The following TRAF5 variants were observed in gnomAD, a reference collection of about 807,000 sequenced individuals.
TRAF5 encodes TNF receptor-associated factor 5.
A neutral mutation model predicts 64.5 loss-of-function variants in TRAF5; 48 were observed. The observed-to-expected ratio is 0.74, with a 90% CI of 0.59 to 0.95. TRAF5 has a LOEUF of 0.95. Among genes scored for constraint, TRAF5 ranks in the 40% least tolerant of loss-of-function variants. TRAF5 has a pLI of 0.00. For synonymous variants in TRAF5, 206 were observed against 240.5 expected (o/e 0.86, Z 1.33); for missense variants, 545 against 662.8 (o/e 0.82, Z 1.95).
chr1:211,326,757 G>C, upstream of TRAF5: 1 of 984,734 alleles, frequency 1.0e-6, no homozygotes, highest in Non-Finnish European at 1.2e-6. This position sits in a 1 kb window ranked among gnomAD's most constrained non-coding sequence, Gnocchi z 5.0. Context: ...CCCTGCGCCC[G>C]CCCGCGCCCC....
In TRAF5 at chr1:211,360,732, C is replaced by G; in HGVS notation, c.574C>G (p.Pro192Ala). The change falls in exon 6 of 11, where the codon CCA (proline) becomes GCA (alanine). Residue 192 changes from proline to alanine, a missense_variant. Pro to Ala is a conservative substitution (Grantham distance 27). Transcript: ENST00000261464. ...TGAGGAAAACTTGTGTCCTGAATACCCAGTATTTTGTCCCAACAATTGTGC... is the reference window on the plus strand; with the variant it reads ...TGAGGAAAACTTGTGTCCTGAATACGCAGTATTTTGTCCCAACAATTGTGC... ...NHEENLCPEY[P>A]VFCPNNCAKI... is the part of the protein sequence containing the mutation. The G allele has an allele frequency of 6.2e-7, 1 of 1,613,790 alleles. No individual in the cohort carries two copies. The highest frequency in any genetic ancestry group is 8.5e-7 in the Non-Finnish European group (1 of 1,179,898).
chr1:211,329,589 A>G (rs972048572), intron 1 of TRAF5, among the ~76,000 whole-genome samples: 30 of 152,122 alleles, frequency 2.0e-4, no homozygotes, highest in African/African-American at 6.5e-4. Flanking sequence ...TTCCCATAGT[A>G]TCTTAATTAA....
At chr1:211,349,523 C>T (rs1327229391) in intron 1 of TRAF5, among the ~76,000 whole-genome samples, 2 of 152,184 alleles carry the variant, frequency 1.3e-5, no homozygotes, top group African/African-American at 4.8e-5. Context: ...GATACAAAGC[C>T]CTCATGACTT....
At position 211,371,472 on chromosome 1, in the gene TRAF5, T is replaced by C; in HGVS notation, c.1099+2T>C. The C allele has an allele frequency of 6.2e-7, 1 of 1,603,126 alleles. No homozygotes were observed. Among genetic ancestry groups the C allele is most frequent in the Non-Finnish European group, 8.5e-7 (1 of 1,177,712 alleles). On this transcript the variant is annotated splice_donor_variant, in intron 10 of 10. Transcript: ENST00000261464. LOFTEE classifies it high-confidence loss of function. ...TAGAAAACAATGATCAAAGATTAGG[T>C]ATGTCTGATATTTTATTTCTCTTTT...
At position 211,372,123 on chromosome 1, in the gene TRAF5, TGC is replaced by T; in HGVS notation, c.1100-4_1100-3del. On this transcript the variant is annotated splice_region_variant and splice_polypyrimidine_tract_variant and intron_variant, in intron 10 of 10. Coordinates refer to ENST00000261464, the MANE Select transcript of TRAF5 (RefSeq NM_001033910.3). ...ATCTTTTTTTTTTTTTTTTCTTATT[TGC>T]AGCCGTTTTAGAAGAGGAAACTAAC... 2.0e-6 allele frequency: 3 copies of T among 1,529,610 alleles called. No individual in the cohort carries two copies. The highest frequency in any genetic ancestry group is 2.6e-6 in the Non-Finnish European group (3 of 1,139,668). The allele number at this position is 1,529,610 out of a possible 1,614,324, so 94.8% of individuals were successfully genotyped here.
intron 1 of TRAF5, among the ~76,000 whole-genome samples, chr1:211,348,307 CAT>C (rs923846154): frequency 2.6e-5 from 4 of 152,246 alleles, no homozygotes; most frequent in African/African-American, 9.6e-5. Context: ...TTTGTATTAA[CAT>C]ATAATTGGCT....
intron 1 of TRAF5, chr1:211,346,374 T>C (rs1176596293): frequency 3.0e-6 from 3 of 985,322 alleles, no homozygotes; most frequent in East Asian, 1.1e-4. Flanking sequence ...AGTGCAGGGA[T>C]GTGCAGATGA....
At chr1:211,350,891 T>C (rs1702764477) in intron 1 of TRAF5, among the ~76,000 whole-genome samples, 1 of 152,126 alleles carries the variant, frequency 6.6e-6, no homozygotes, top group Admixed American at 6.5e-5. Context: ...CTCTGGCCTC[T>C]TTAGAGAGGA....
chr1:211,347,246 C>CTAAT (rs1220971278), intron 1 of TRAF5, among the ~76,000 whole-genome samples: 1 of 152,094 alleles, frequency 6.6e-6, no homozygotes. Flanking sequence ...CTGAAAGTAT[C>CTAAT]TAATTAATTA....
intron 1 of TRAF5, among the ~76,000 whole-genome samples, chr1:211,349,947 C>G (rs755770644): frequency 8.5e-5 from 13 of 152,100 alleles, no homozygotes; most frequent in Non-Finnish European, 1.9e-4. Context: ...AATGAGGGAA[C>G]ACAAGGCAGA....
At chr1:211,358,205 G>A (rs1043526774) in intron 4 of TRAF5, 3 of 152,172 alleles carry the variant, frequency 2.0e-5, no homozygotes, top group Admixed American at 6.5e-5. Context: ...GCCAGGCGTG[G>A]TGGTTCATGC....
At chr1:211,358,919 A>T (rs1398474909) in intron 4 of TRAF5, 1 of 149,896 alleles carries the variant, frequency 6.7e-6, no homozygotes, top group Non-Finnish European at 1.5e-5. Context: ...CAGAATATTT[A>T]AAATAACTTT....
At chr1:211,349,738 G>C (rs2102736981) in intron 1 of TRAF5, among the ~76,000 whole-genome samples, 1 of 152,322 alleles carries the variant, frequency 6.6e-6, no homozygotes, top group East Asian at 1.9e-4. Flanking sequence ...AGAGTGTAGT[G>C]GAGGGAACCT....
Position 211,337,912 on chromosome 1 carries a change from C to T in TRAF5, c.-2+11023C>T, listed in dbSNP as rs140694811. 2.9e-4 allele frequency among the ~76,000 whole-genome samples: 44 copies of T among 152,240 alleles called. 1 individual carries two copies. In the East Asian group the frequency reaches 8.3e-3, roughly 29 times the overall value. On this transcript the variant is annotated intron_variant, in intron 1 of 10. Coordinates refer to ENST00000261464, the MANE Select transcript of TRAF5 (RefSeq NM_001033910.3). ...ATTAAATGTGGAGGCATAGACTAAA[C>T]AGTGGAGTGTGTCTGGGGCTCAGGG...
Position 211,333,250 on chromosome 1 carries a change from G to A in TRAF5, c.-2+6361G>A, listed in dbSNP as rs543871304. Among the ~76,000 whole-genome samples the A allele has an allele frequency of 5.9e-5, 9 of 152,234 alleles. No individual in the cohort carries two copies. The East Asian group carries it at 1.3e-3, about 23-fold the overall frequency. On this transcript the variant is annotated intron_variant, in intron 1 of 10. Coordinates refer to ENST00000261464, the MANE Select transcript of TRAF5 (RefSeq NM_001033910.3). ...GTTGCCCAGGCTGGAGGGCAGTGGC[G>A]CCAACTCGGCTCACTGCAACCTCCG...
At chr1:211,343,750 G>T (rs970273461) in intron 1 of TRAF5, among the ~76,000 whole-genome samples, 4 of 152,120 alleles carry the variant, frequency 2.6e-5, no homozygotes, top group African/African-American at 9.7e-5. Context: ...CTCCTAGATT[G>T]TCTTCACGGC....
chr1:211,368,675 A>G (rs1034972164), intron 8 of TRAF5, among the ~76,000 whole-genome samples: 3 of 152,206 alleles, frequency 2.0e-5, no homozygotes, highest in African/African-American at 7.2e-5. Flanking sequence ...TTGAATGGAT[A>G]TGGGAATAAG....
Position 211,354,550 on chromosome 1 carries a change from G to T in TRAF5, c.276+83G>T. On this transcript the variant is annotated intron_variant, in intron 3 of 10. Transcript: ENST00000261464. ...GAATTGGACATTGAGATAGGAGCAG[G>T]AGAGTGGTCGAGGGAGACCTTCCTT... 4 of 1,412,894 alleles carry T rather than the reference G, an allele frequency of 2.8e-6. No homozygotes were observed. The Admixed American group carries it at 5.2e-5, about 18-fold the overall frequency. 87.5% of individuals were successfully genotyped at this position (1,412,894 alleles called of 1,614,324 possible).
At chr1:211,336,602 C>T (rs1702298915) in intron 1 of TRAF5, among the ~76,000 whole-genome samples, 1 of 152,218 alleles carries the variant, frequency 6.6e-6, no homozygotes, top group Non-Finnish European at 1.5e-5. Context: ...ATAGCTGTTA[C>T]AGTCATTCTG....
Sources: allele counts gnomAD v4.1 joint callset (sites outside exome capture counted in the v4.1 genomes callset), GRCh38; gene constraint gnomAD v4.1.1; non-coding constraint Gnocchi (gnomAD v3.1); transcripts MANE v1.5; gene names NCBI Gene and HGNC (gene_info 2026-07-23, HGNC 2026-07-21).